GRM7: variants seen among roughly 807,000 people sequenced by gnomAD.
The protein encoded by GRM7 is glutamate metabotropic receptor 7, also known as metabotropic glutamate receptor 7.
In GRM7, 35 loss-of-function variants were observed where a neutral mutation model predicts 84.5. The observed-to-expected ratio is 0.41, with a 90% confidence interval of 0.32 to 0.55. The LOEUF (loss-of-function observed/expected upper bound fraction) is 0.55. Ranked by LOEUF, GRM7 falls within the 20% of genes least tolerant of loss-of-function variation. The pLI is 0.19. For synonymous variants in GRM7, 487 were observed against 455.1 expected, an observed-to-expected ratio of 1.07 and a Z score of -0.89; for missense variants, 1,003 against 1,194.6, an observed-to-expected ratio of 0.84 and a Z score of 2.36.
intron 1 of GRM7, among the ~76,000 whole-genome samples, chr3:7,089,539 G>A (rs78801417): frequency 0.018 from 2,764 of 152,140 alleles, 69 homozygotes; most frequent in African/African-American, 0.064. Context: ...GAAATGTGGT[G>A]GAACATGCAT....
intron 8 of GRM7, among the ~76,000 whole-genome samples, chr3:7,625,372 G>A (rs1697561954): frequency 6.6e-6 from 1 of 152,096 alleles, no homozygotes; most frequent in Non-Finnish European, 1.5e-5. Context: ...CTAACAAAAA[G>A]CAAGCAACTC....
intron 1 of GRM7, among the ~76,000 whole-genome samples, chr3:6,957,770 T>C (rs984688562): frequency 3.9e-5 from 6 of 152,166 alleles, no homozygotes; most frequent in Non-Finnish European, 8.8e-5. Context: ...TCATTCAATG[T>C]AATAAGTGGT....
At chr3:7,072,715 A>C (rs1006272141) in intron 1 of GRM7, among the ~76,000 whole-genome samples, 4 of 152,118 alleles carry the variant, frequency 2.6e-5, no homozygotes, top group Admixed American at 2.0e-4. Flanking sequence ...AATAAGATAA[A>C]GGTCTCACTT....
intron 4 of GRM7, among the ~76,000 whole-genome samples, chr3:7,375,301 C>G (rs759112179): frequency 6.6e-6 from 1 of 150,902 alleles, no homozygotes; most frequent in Non-Finnish European, 1.5e-5. Context: ...TCACCGCAAC[C>G]TCTGCCTCCC....
At chr3:7,492,910 T>G (rs1699574384) in intron 7 of GRM7, among the ~76,000 whole-genome samples, 1 of 152,120 alleles carries the variant, frequency 6.6e-6, no homozygotes, top group Non-Finnish European at 1.5e-5. Context: ...TGATATTTTT[T>G]TTCCTTGAGA....
At chr3:6,978,199 A>G (rs1312931013) in intron 1 of GRM7, among the ~76,000 whole-genome samples, 2 of 152,168 alleles carry the variant, frequency 1.3e-5, no homozygotes, top group Non-Finnish European at 2.9e-5. Flanking sequence ...ACACAGAGAA[A>G]AGGAGAAGGC....
intron 7 of GRM7, among the ~76,000 whole-genome samples, chr3:7,531,239 G>C (rs1302009392): frequency 6.6e-6 from 1 of 152,150 alleles, no homozygotes. Flanking sequence ...GTTTGTCAAA[G>C]ATCAGATGGT....
At chr3:7,198,944 A>G (rs1323455744) in intron 2 of GRM7, among the ~76,000 whole-genome samples, 1 of 152,196 alleles carries the variant, frequency 6.6e-6, no homozygotes, top group Non-Finnish European at 1.5e-5. Flanking sequence ...TCCATGATGT[A>G]TCTTTAAAAG....
At chr3:7,572,881 A>ATAT (rs1694771532) in intron 7 of GRM7, among the ~76,000 whole-genome samples, 3 of 76,138 alleles carry the variant, frequency 3.9e-5, no homozygotes, top group Non-Finnish European at 5.3e-5. Flanking sequence ...TATATATATA[A>ATAT]ATAATCTTTC....
At chr3:7,044,627 A>G (rs1486349319) in intron 1 of GRM7, among the ~76,000 whole-genome samples, 1 of 152,178 alleles carries the variant, frequency 6.6e-6, no homozygotes, top group Non-Finnish European at 1.5e-5. Flanking sequence ...TTCAATTTAA[A>G]AGACTTACAA....
At chr3:7,363,077 T>C (rs984018716) in intron 4 of GRM7, among the ~76,000 whole-genome samples, 40 of 152,010 alleles carry the variant, frequency 2.6e-4, no homozygotes, top group Admixed American at 2.5e-3. Flanking sequence ...AGCTATATGA[T>C]CACACCACTG....
At chr3:7,591,558 T>C in intron 8 of GRM7, 1 of 410,640 alleles carries the variant, frequency 2.4e-6, no homozygotes, top group Non-Finnish European at 4.7e-6. Flanking sequence ...AATTAGAAAC[T>C]TCCTCAAAGA....
chr3:7,197,900 G>C (rs1695932143), intron 2 of GRM7, among the ~76,000 whole-genome samples: 1 of 152,118 alleles, frequency 6.6e-6, no homozygotes, highest in South Asian at 2.1e-4. Flanking sequence ...TCATTCCAGG[G>C]CCCCAGTAAA....
At chr3:7,390,358 G>T (rs1240296299) in intron 4 of GRM7, among the ~76,000 whole-genome samples, 2 of 152,020 alleles carry the variant, frequency 1.3e-5, no homozygotes, top group African/African-American at 2.4e-5. Context: ...TCTCACAGGG[G>T]TTCTCTGGAT....
At chr3:6,925,930 T>C (rs1487625208) in intron 1 of GRM7, among the ~76,000 whole-genome samples, 1 of 152,176 alleles carries the variant, frequency 6.6e-6, no homozygotes, top group Non-Finnish European at 1.5e-5. Context: ...TGAGAGTATG[T>C]CTAGGCTCCT....
rs139642001 is a variant in GRM7 at position 7,128,586 on chromosome 3, C to A, written c.520-17866C>A. ...GCAGTGGCGCGATCTGTGTTCACTG[C>A]AACCTCCGCCTCCCAGGTTCAGCGA... On this transcript the variant is annotated intron_variant, in intron 1 of 9. Transcript: ENST00000357716. Among the ~76,000 whole-genome samples the A allele has an allele frequency of 9.5e-3, 1,209 of 127,754 alleles. 179 individuals carry two copies. Among genetic ancestry groups the A allele is most frequent in the African/African-American group, 0.036 (1,157 of 32,484 alleles). 83.8% of individuals were successfully genotyped at this position (127,754 alleles called of 152,430 possible).
chr3:6,947,149 T>C (rs1698116542), intron 1 of GRM7, among the ~76,000 whole-genome samples: 2 of 152,224 alleles, frequency 1.3e-5, no homozygotes, highest in Admixed American at 6.5e-5. Flanking sequence ...AAAGGAATGC[T>C]TCCAGTTTTT....
chr3:7,028,238 T>C (rs1399293223), intron 1 of GRM7, among the ~76,000 whole-genome samples: 3 of 152,234 alleles, frequency 2.0e-5, no homozygotes, highest in Non-Finnish European at 4.4e-5. Flanking sequence ...GTTTATAATG[T>C]CATATAATAG....
intron 2 of GRM7, among the ~76,000 whole-genome samples, chr3:7,254,320 C>T (rs1176626214): frequency 6.6e-6 from 1 of 152,160 alleles, no homozygotes; most frequent in African/African-American, 2.4e-5. Flanking sequence ...TGTAACCAGT[C>T]CTAATCAGGA....
Sources: allele counts gnomAD v4.1 joint callset (sites outside exome capture counted in the v4.1 genomes callset), GRCh38; gene constraint gnomAD v4.1.1; transcripts MANE v1.5; gene names NCBI Gene and HGNC (gene_info 2026-07-23, HGNC 2026-07-21).